Variants in KCNH8 observed in about 807,000 individuals in gnomAD.
KCNH8 encodes the protein voltage-gated delayed rectifier potassium channel KCNH8.
In KCNH8, 70 loss-of-function variants were observed where a neutral mutation model predicts 103.6. The observed-to-expected ratio is 0.68, with a 90% confidence interval of 0.56 to 0.82. The LOEUF (loss-of-function observed/expected upper bound fraction) is 0.82, where lower values mean the gene tolerates loss of function less well. Ranked by LOEUF, KCNH8 falls within the 40% of genes least tolerant of loss-of-function variation. The pLI, the probability that KCNH8 is intolerant of heterozygous loss-of-function variation, is 0.00. For synonymous variants in KCNH8, 498 were observed against 489.4 expected (o/e 1.02, Z -0.23); for missense variants, 1,217 against 1,329.9 (o/e 0.92, Z 1.32).
intron 5 of KCNH8, among the ~76,000 whole-genome samples, chr3:19,375,054 C>G (rs915926528): frequency 6.6e-6 from 1 of 151,522 alleles, no homozygotes; most frequent in African/African-American, 2.4e-5. Context: ...TCCTTCATTT[C>G]AACTTTGGTG....
intron 3 of KCNH8, among the ~76,000 whole-genome samples, chr3:19,305,884 G>T (rs1306837170): frequency 6.6e-6 from 1 of 151,972 alleles, no homozygotes; most frequent in East Asian, 1.9e-4. Flanking sequence ...TAGGGGATGG[G>T]ATATAAGTGA....
chr3:19,283,168 T>A (rs1243133560), intron 3 of KCNH8, among the ~76,000 whole-genome samples: 5 of 152,192 alleles, frequency 3.3e-5, no homozygotes, highest in Admixed American at 2.0e-4. Flanking sequence ...GAGGCTAGCA[T>A]GTCGCACTAG....
At chr3:19,316,688 C>T (rs950840084) in intron 3 of KCNH8, among the ~76,000 whole-genome samples, 1 of 151,836 alleles carries the variant, frequency 6.6e-6, no homozygotes, top group African/African-American at 2.4e-5. Context: ...GCTCTTCAAC[C>T]AGAGATTGCA....
chr3:19,373,617 G>A (rs1410491599), intron 5 of KCNH8, among the ~76,000 whole-genome samples: 2 of 151,872 alleles, frequency 1.3e-5, no homozygotes, highest in African/African-American at 4.8e-5. Flanking sequence ...CTTCAGTTCT[G>A]CTCTGATCTT....
At chr3:19,501,357 A>G (rs1457968474) in intron 11 of KCNH8, among the ~76,000 whole-genome samples, 1 of 152,134 alleles carries the variant, frequency 6.6e-6, no homozygotes, top group Non-Finnish European at 1.5e-5. Flanking sequence ...GCAAGGAGGA[A>G]CTGGTACCAT....
At chr3:19,498,398 T>C (rs1013424959) in intron 11 of KCNH8, among the ~76,000 whole-genome samples, 7 of 152,190 alleles carry the variant, frequency 4.6e-5, no homozygotes, top group Non-Finnish European at 8.8e-5. Context: ...TTTCTTTCCA[T>C]GTTTAGTGCT....
At chr3:19,468,830 A>C (rs1265199734) in intron 11 of KCNH8, among the ~76,000 whole-genome samples, 1 of 152,190 alleles carries the variant, frequency 6.6e-6, no homozygotes, top group East Asian at 1.9e-4. Context: ...AACAAGCCTG[A>C]CTAGATCTTT....
intron 1 of KCNH8, among the ~76,000 whole-genome samples, chr3:19,163,552 A>G (rs1376689433): frequency 6.6e-6 from 1 of 152,114 alleles, no homozygotes; most frequent in African/African-American, 2.4e-5. Flanking sequence ...AAATTTCCAA[A>G]AAGTAGACTT....
intron 5 of KCNH8, among the ~76,000 whole-genome samples, chr3:19,360,134 A>G (rs1368685782): frequency 1.3e-5 from 2 of 152,096 alleles, no homozygotes; most frequent in Non-Finnish European, 2.9e-5. Flanking sequence ...AATAAGAACA[A>G]TGTGGCAAGA....
chr3:19,528,496 G>A (rs1056221525), intron 15 of KCNH8, among the ~76,000 whole-genome samples: 3 of 152,032 alleles, frequency 2.0e-5, no homozygotes, highest in African/African-American at 7.2e-5. Flanking sequence ...ACACAATAAG[G>A]GAAAAGGGAT....
chr3:19,321,298 G>T (rs902158639), intron 3 of KCNH8, among the ~76,000 whole-genome samples: 1 of 151,798 alleles, frequency 6.6e-6, no homozygotes, highest in Non-Finnish European at 1.5e-5. Flanking sequence ...TGCTCTTTCA[G>T]ACTTTTTGAT....
intron 7 of KCNH8, among the ~76,000 whole-genome samples, chr3:19,395,845 G>A (rs568580207): frequency 4.6e-5 from 7 of 152,106 alleles, no homozygotes; most frequent in African/African-American, 1.4e-4. Context: ...ATGGTAGAAC[G>A]GACTGGACAT....
intron 2 of KCNH8, among the ~76,000 whole-genome samples, chr3:19,274,948 C>T (rs1471364528): frequency 6.9e-6 from 1 of 143,956 alleles, no homozygotes; most frequent in South Asian, 2.3e-4. Flanking sequence ...TAGCACTTTT[C>T]TCAAAAGTTT....
intron 8 of KCNH8, among the ~76,000 whole-genome samples, chr3:19,444,932 C>T (rs936659844): frequency 6.6e-6 from 1 of 151,904 alleles, no homozygotes; most frequent in Admixed American, 6.6e-5. Context: ...CAACATCTAC[C>T]ATATCTGAAT....
intron 5 of KCNH8, among the ~76,000 whole-genome samples, chr3:19,387,329 A>C (rs1345356754): frequency 6.6e-6 from 1 of 152,184 alleles, no homozygotes; most frequent in African/African-American, 2.4e-5. Flanking sequence ...AATCATTTAG[A>C]TAATGGAAAG....
chr3:19,497,004 A>G (rs899033089), intron 11 of KCNH8, among the ~76,000 whole-genome samples: 1 of 152,060 alleles, frequency 6.6e-6, no homozygotes, highest in Non-Finnish European at 1.5e-5. Flanking sequence ...CCAGGAATTT[A>G]TCAGTTTCTT....
At chr3:19,317,440 T>C (rs1047724659) in intron 3 of KCNH8, among the ~76,000 whole-genome samples, 1 of 151,848 alleles carries the variant, frequency 6.6e-6, no homozygotes, top group African/African-American at 2.4e-5. Context: ...AAAGAGAAAA[T>C]GCTTTAGAAC....
At chr3:19,258,931 CTCTCTCTCTCTCTCTCTATATATA>C (rs1438388504) in intron 2 of KCNH8, among the ~76,000 whole-genome samples, 3 of 83,314 alleles carry the variant, frequency 3.6e-5, no homozygotes, top group African/African-American at 1.5e-4. Context: ...CTCTCTCTCT[CTCTCTCTCTCTCTCTCTATATATA>C]TATATATATA....
intron 10 of KCNH8, among the ~76,000 whole-genome samples, chr3:19,451,714 A>G (rs1258106619): frequency 1.3e-5 from 2 of 152,192 alleles, no homozygotes; most frequent in South Asian, 2.1e-4. Flanking sequence ...AAGCCAAATT[A>G]TTAATCATGA....
Sources: allele counts gnomAD v4.1 joint callset (sites outside exome capture counted in the v4.1 genomes callset), GRCh38; gene constraint gnomAD v4.1.1; transcripts MANE v1.5; gene names NCBI Gene and HGNC (gene_info 2026-07-23, HGNC 2026-07-21).